Variants in NLGN4X observed in about 807,000 individuals in gnomAD.
NLGN4X encodes neuroligin 4 X-linked, also known as neuroligin-4, X-linked.
In NLGN4X, 3 loss-of-function variants were observed where a neutral mutation model predicts 40.3. The ratio of observed to expected loss-of-function variants is 0.07; its 90% CI spans 0.03 to 0.19. The LOEUF (loss-of-function observed/expected upper bound fraction) is 0.19. Ranked by LOEUF, NLGN4X falls within the 10% of genes least tolerant of loss-of-function variation. The pLI, the probability that NLGN4X is intolerant of heterozygous loss-of-function variation, is 1.00. For missense variants in NLGN4X, 382 were observed against 708.3 expected, an observed-to-expected ratio of 0.54 and a Z score of 5.23; for synonymous variants, 270 against 306.8, an observed-to-expected ratio of 0.88 and a Z score of 1.25.
At chrX:6,169,853 A>G (rs2040568996) in intron 1 of NLGN4X, among the ~76,000 whole-genome samples, 1 of 111,724 alleles carries the variant, frequency 9.0e-6, no homozygotes, top group African/African-American at 3.3e-5. Flanking sequence ...TGGGAGAAGC[A>G]TTAGGTCATT....
chrX:6,181,128 GTGGGGAATAAGGATAGT>G (rs1293101679), intron 1 of NLGN4X, among the ~76,000 whole-genome samples: 1 of 111,277 alleles, frequency 9.0e-6, no homozygotes, highest in African/African-American at 3.3e-5. Flanking sequence ...GGGTAGGCCT[GTGGGGAATAAGGATAGT>G]TAAGGGCATC....
intron 3 of NLGN4X, among the ~76,000 whole-genome samples, chrX:5,911,681 G>T (rs2032483579): frequency 9.0e-6 from 1 of 111,645 alleles, no homozygotes; most frequent in South Asian, 3.8e-4. Flanking sequence ...CCTGTTTCAG[G>T]TACACAATGA....
At chrX:6,162,063 A>T in intron 1 of NLGN4X, among the ~76,000 whole-genome samples, 1 of 111,853 alleles carries the variant, frequency 8.9e-6, no homozygotes, top group Non-Finnish European at 1.9e-5. Flanking sequence ...GATGCTGATC[A>T]TCTGTTTTCA....
intron 2 of NLGN4X, among the ~76,000 whole-genome samples, chrX:6,119,200 T>C (rs1322064571): frequency 8.9e-6 from 1 of 112,040 alleles, no homozygotes; most frequent in Non-Finnish European, 1.9e-5. Flanking sequence ...TAGTAGGTCC[T>C]CAATGGGTAT....
chrX:6,074,910 G>C (rs2038158055), intron 2 of NLGN4X, among the ~76,000 whole-genome samples: 1 of 111,855 alleles, frequency 8.9e-6, no homozygotes, highest in Admixed American at 9.5e-5. Flanking sequence ...CATGAGACAA[G>C]AGTGAAGGTC....
At chrX:6,085,902 A>T (rs1326075011) in intron 2 of NLGN4X, among the ~76,000 whole-genome samples, 1 of 112,130 alleles carries the variant, frequency 8.9e-6, no homozygotes, top group Non-Finnish European at 1.9e-5. Context: ...CCAGGGAATG[A>T]CTGACTGATA....
At chrX:6,225,689 CTTTTTTTTTTTTTTTTTT>C (rs749574818) in intron 1 of NLGN4X, among the ~76,000 whole-genome samples, 14 of 26,913 alleles carry the variant, frequency 5.2e-4, no homozygotes, top group African/African-American at 1.6e-3. Flanking sequence ...TTCTTTTTTT[CTTTTTTTTTTTTTTTTTT>C]TTTTTTTTTT....
chrX:6,029,365 G>T lies in NLGN4X; in HGVS notation c.540C>A (p.Gly180=). The change falls in exon 3 of 6, where the codon GGC becomes GGA. Residue 180 remains glycine (G), a synonymous_variant. Coordinates refer to ENST00000381095, the MANE Select transcript of NLGN4X (RefSeq NM_181332.3). The stretch of plus-strand genomic sequence containing the variant: ...TGCTGCCGTCAATCATGTTGCCGGT[G>T]CCCTCCATGTAAGATCCCCCATGGA... The part of the protein sequence containing the change: ...VYIHGGSYME[G]TGNMIDGSIL... 8.3e-7 allele frequency: 1 copy of T among 1,209,376 alleles called. No individual in the cohort carries two copies. Among genetic ancestry groups the T allele is most frequent in the East Asian group, 3.0e-5 (1 of 33,813 alleles).
intron 1 of NLGN4X, among the ~76,000 whole-genome samples, chrX:6,221,815 C>T (rs772082293): frequency 6.3e-5 from 7 of 110,566 alleles, no homozygotes; most frequent in African/African-American, 9.9e-5. Context: ...TGGAGTCACA[C>T]GGCATGCCTC....
At chrX:5,980,367 T>A (rs182723870) in intron 3 of NLGN4X, among the ~76,000 whole-genome samples, 1 of 110,147 alleles carries the variant, frequency 9.1e-6, no homozygotes, top group East Asian at 2.8e-4. Context: ...AGCATAAGCA[T>A]TTTTTTAAGT....
At chrX:6,036,612 A>G (rs1355677036) in intron 2 of NLGN4X, among the ~76,000 whole-genome samples, 1 of 104,153 alleles carries the variant, frequency 9.6e-6, no homozygotes, top group Non-Finnish European at 1.9e-5. Flanking sequence ...TGGCTGGCGC[A>G]CACACACACA....
chrX:6,038,744 G>A lies in NLGN4X; in HGVS notation c.473-9312C>T, dbSNP rs758741270. ...CAGCAAAGGGGCTTTCCAGAAAGCA[G>A]CATTCAAAAAGATATTTCTTGTATT... On this transcript the variant is annotated intron_variant, in intron 2 of 5. Transcript: ENST00000381095. Among the ~76,000 whole-genome samples the A allele has an allele frequency of 1.5e-3, 168 of 111,691 alleles. 1 individual carries two copies. The highest frequency in any genetic ancestry group is 3.2e-3 in the African/African-American group (99 of 30,799).
At chrX:5,898,557 G>A (rs185521239) in intron 5 of NLGN4X, among the ~76,000 whole-genome samples, 6 of 111,145 alleles carry the variant, frequency 5.4e-5, no homozygotes, top group Admixed American at 9.5e-5. Context: ...AAACACATGC[G>A]CCATCGAGAG....
chrX:6,016,153 C>T (rs770081015), intron 3 of NLGN4X, among the ~76,000 whole-genome samples: 2 of 112,419 alleles, frequency 1.8e-5, no homozygotes, highest in South Asian at 3.7e-4. Flanking sequence ...TGTTCAACAT[C>T]ATTAGTCATC....
chrX:5,972,151 A>G (rs1439484398), intron 3 of NLGN4X, among the ~76,000 whole-genome samples: 2 of 105,803 alleles, frequency 1.9e-5, no homozygotes, highest in Non-Finnish European at 3.8e-5. Flanking sequence ...ACACATATGT[A>G]TATGTGTGTG....
At chrX:5,955,187 G>A (rs1433514004) in intron 3 of NLGN4X, among the ~76,000 whole-genome samples, 3 of 111,423 alleles carry the variant, frequency 2.7e-5, no homozygotes, top group Non-Finnish European at 3.8e-5. Flanking sequence ...AAAAATATCC[G>A]GATGGTGGAA....
intron 3 of NLGN4X, among the ~76,000 whole-genome samples, chrX:5,976,561 T>C (rs2035182693): frequency 8.9e-6 from 1 of 112,309 alleles, no homozygotes; most frequent in Admixed American, 9.4e-5. Context: ...TACCCTTTTG[T>C]TAATGTGTCT....
intron 1 of NLGN4X, among the ~76,000 whole-genome samples, chrX:6,181,068 G>A (rs1245696793): frequency 9.0e-6 from 1 of 111,356 alleles, no homozygotes; most frequent in Non-Finnish European, 1.9e-5. Flanking sequence ...GCTTAGGATG[G>A]AACTTAATTT....
intron 3 of NLGN4X, among the ~76,000 whole-genome samples, chrX:5,953,575 C>T (rs1435917474): frequency 9.0e-6 from 1 of 111,414 alleles, no homozygotes; most frequent in Non-Finnish European, 1.9e-5. Context: ...ACTGCATGTG[C>T]CCCATACATA....
Sources: allele counts gnomAD v4.1 joint callset (sites outside exome capture counted in the v4.1 genomes callset), GRCh38; gene constraint gnomAD v4.1.1; transcripts MANE v1.5; gene names NCBI Gene and HGNC (gene_info 2026-07-23, HGNC 2026-07-21).